The following RBFOX1 variants were observed in gnomAD, a reference collection of about 807,000 sequenced individuals.
RBFOX1 encodes RNA binding protein fox-1 homolog 1.
Under a neutral mutation model 57.7 loss-of-function variants are expected in RBFOX1, and 8 were observed. The ratio of observed to expected loss-of-function variants is 0.14; its 90% confidence interval spans 0.08 to 0.25. The LOEUF (loss-of-function observed/expected upper bound fraction) is 0.25. RBFOX1 is among the 10% of genes least tolerant of loss of function. The pLI, the probability that RBFOX1 is intolerant of heterozygous loss-of-function variation, is 1.00. For synonymous variants in RBFOX1, 326 were observed against 222.4 expected, an observed-to-expected ratio of 1.47 and a Z score of -4.15; for missense variants, 611 against 548.5, an observed-to-expected ratio of 1.11 and a Z score of -1.14.
chr16:6,442,160 G>T (rs1412239829), intron 2 of RBFOX1, among the ~76,000 whole-genome samples: 1 of 152,158 alleles, frequency 6.6e-6, no homozygotes, highest in African/African-American at 2.4e-5. Context: ...AATAGCAGGG[G>T]ACAGAGCTTG....
intron 3 of RBFOX1, among the ~76,000 whole-genome samples, chr16:6,960,381 T>C (rs1179426796): frequency 6.6e-6 from 1 of 152,174 alleles, no homozygotes; most frequent in African/African-American, 2.4e-5. Flanking sequence ...GAAAACTTTC[T>C]AATTTTAAGT....
intron 3 of RBFOX1, among the ~76,000 whole-genome samples, chr16:6,977,378 A>T (rs1377747655): frequency 1.3e-5 from 2 of 152,016 alleles, no homozygotes; most frequent in East Asian, 3.9e-4. Flanking sequence ...AGATACCGGG[A>T]TATCTGGACA....
At chr16:5,985,518 G>T (rs1243892664) in intron 4 of RBFOX1, among the ~76,000 whole-genome samples, 1 of 152,140 alleles carries the variant, frequency 6.6e-6, no homozygotes, top group African/African-American at 2.4e-5. Flanking sequence ...TGGTGTAAAA[G>T]TAATTACTTT....
chr16:6,999,398 T>C (rs1382173913), intron 3 of RBFOX1, among the ~76,000 whole-genome samples: 1 of 150,916 alleles, frequency 6.6e-6, no homozygotes. Flanking sequence ...TGGACCAGAG[T>C]GATTTGGTGA....
chr16:6,543,946 T>C (rs2096859400), intron 2 of RBFOX1, among the ~76,000 whole-genome samples: 1 of 152,182 alleles, frequency 6.6e-6, no homozygotes, highest in Non-Finnish European at 1.5e-5. Flanking sequence ...TAAGGGCATT[T>C]TGCTTTTAAA....
chr16:5,785,618 C>T (rs530769499), intron 3 of RBFOX1, among the ~76,000 whole-genome samples: 1 of 152,062 alleles, frequency 6.6e-6, no homozygotes, highest in Non-Finnish European at 1.5e-5. Flanking sequence ...ACCTCTGCCT[C>T]CTGGGTTCAA....
chr16:6,885,613 C>A (rs1219806343), intron 3 of RBFOX1, among the ~76,000 whole-genome samples: 1 of 152,112 alleles, frequency 6.6e-6, no homozygotes, highest in Non-Finnish European at 1.5e-5. Flanking sequence ...CTCACTGCCA[C>A]CTCTGCCTCC....
chr16:6,730,255 C>T (rs534149158), intron 3 of RBFOX1, among the ~76,000 whole-genome samples: 37 of 152,154 alleles, frequency 2.4e-4, no homozygotes, highest in African/African-American at 4.1e-4. Context: ...ATGGTAGAAC[C>T]GTACACCAGT....
chr16:7,445,178 G>A (rs1009838293), intron 4 of RBFOX1, among the ~76,000 whole-genome samples: 2 of 152,074 alleles, frequency 1.3e-5, no homozygotes, highest in Admixed American at 6.5e-5. Context: ...TGGGCAGTTA[G>A]CAAGGATTAA....
chr16:7,117,208 C>T (rs367822688), intron 4 of RBFOX1, among the ~76,000 whole-genome samples: 1 of 152,112 alleles, frequency 6.6e-6, no homozygotes, highest in Non-Finnish European at 1.5e-5. Flanking sequence ...GCATTTTGGG[C>T]TTTGTAACAA....
chr16:7,654,260 T>C (rs954116760), intron 12 of RBFOX1, among the ~76,000 whole-genome samples: 1 of 152,202 alleles, frequency 6.6e-6, no homozygotes, highest in African/African-American at 2.4e-5. Context: ...TTTCTGATGA[T>C]TGCAAACATC....
chr16:7,090,404 T>C (rs965337114), intron 4 of RBFOX1, among the ~76,000 whole-genome samples: 2 of 152,176 alleles, frequency 1.3e-5, no homozygotes, highest in African/African-American at 2.4e-5. Context: ...CTCCCTTCTC[T>C]AGACTGACTT....
At chr16:5,445,065 C>G (rs932934315) in intron 1 of RBFOX1, among the ~76,000 whole-genome samples, 8 of 152,236 alleles carry the variant, frequency 5.3e-5, no homozygotes, top group Admixed American at 3.3e-4. Context: ...GATGTGCACT[C>G]TGAAGACTCC....
At chr16:7,106,010 T>C (rs1165804107) in intron 4 of RBFOX1, among the ~76,000 whole-genome samples, 1 of 152,196 alleles carries the variant, frequency 6.6e-6, no homozygotes, top group Admixed American at 6.5e-5. Flanking sequence ...GGAGGATTTC[T>C]TACAGCACAA....
intron 4 of RBFOX1, among the ~76,000 whole-genome samples, chr16:7,289,612 A>G (rs764764465): frequency 6.6e-6 from 1 of 152,124 alleles, no homozygotes; most frequent in African/African-American, 2.4e-5. Context: ...CATCATAGTC[A>G]TCACCATCAT....
intron 2 of RBFOX1, among the ~76,000 whole-genome samples, chr16:6,648,730 C>G (rs1277024737): frequency 1.3e-5 from 2 of 152,162 alleles, no homozygotes; most frequent in African/African-American, 4.8e-5. Flanking sequence ...CTGGTCAGAA[C>G]AGGCAGAAGC....
At chr16:6,218,188 A>G (rs1042038014) in intron 1 of RBFOX1, among the ~76,000 whole-genome samples, 1 of 152,214 alleles carries the variant, frequency 6.6e-6, no homozygotes, top group African/African-American at 2.4e-5. Flanking sequence ...GAATAATATT[A>G]AAAATGCCTG....
intron 3 of RBFOX1, among the ~76,000 whole-genome samples, chr16:7,034,084 G>C (rs943944723): frequency 4.7e-4 from 71 of 152,178 alleles, no homozygotes; most frequent in Non-Finnish European, 7.1e-4. Context: ...CGGTGGTGCA[G>C]GTGTCCATGC....
intron 1 of RBFOX1, among the ~76,000 whole-genome samples, chr16:6,217,801 G>A (rs1031034570): frequency 3.9e-5 from 6 of 152,170 alleles, no homozygotes; most frequent in Non-Finnish European, 8.8e-5. Flanking sequence ...GATCACTTGA[G>A]ACCAAGGGTT....
Sources: gnomAD v4.1 joint callset for allele counts (sites outside exome capture counted in the v4.1 genomes callset) on GRCh38, gnomAD v4.1.1 for gene constraint, MANE v1.5 for transcripts, NCBI Gene and HGNC (gene_info 2026-07-23, HGNC 2026-07-21) for gene names.